The following CTNNA1 variants were observed in gnomAD, a reference collection of about 807,000 sequenced individuals.
CTNNA1 encodes catenin alpha 1, also known as catenin alpha-1.
Under a neutral mutation model 98.4 loss-of-function variants are expected in CTNNA1, and 37 were observed. The ratio of observed to expected loss-of-function variants is 0.38; its 90% CI spans 0.29 to 0.49. CTNNA1 has a LOEUF of 0.49. Ranked by LOEUF, CTNNA1 falls within the 20% of genes least tolerant of loss-of-function variation. The pLI is 0.95. For synonymous variants in CTNNA1, 404 were observed against 413.2 expected (o/e 0.98, Z 0.27); for missense variants, 761 against 1,147.2 (o/e 0.66, Z 4.86).
chr5:138,930,208 G>A lies in CTNNA1; in HGVS notation c.2011-265G>A, dbSNP rs6859193. 5.5e-3 allele frequency among the ~76,000 whole-genome samples: 838 copies of A among 152,260 alleles called. 3 individuals carry two copies. Among genetic ancestry groups the A allele is most frequent in the Non-Finnish European group, 8.6e-3 (585 of 68,026 alleles). ...TTAAGCAGGTTCTGTCCCTGCACAGGTGTGATTCCAAAGCTTCCACATTAG... is the reference window on the plus strand; with the variant it reads ...TTAAGCAGGTTCTGTCCCTGCACAGATGTGATTCCAAAGCTTCCACATTAG... On this transcript the variant is annotated intron_variant, in intron 14 of 17. Coordinates refer to ENST00000302763, the MANE Select transcript of CTNNA1 (RefSeq NM_001903.5).
intron 12 of CTNNA1, 86 bp from the exon 13 acceptor site, chr5:138,925,170 T>C (rs1011130779): frequency 1.7e-5 from 25 of 1,460,474 alleles, no homozygotes; most frequent in Non-Finnish European, 2.2e-5. Context: ...CCTCACCTCT[T>C]TCTGTCTAGC....
At chr5:138,791,615 CAAAAAAAA>C (rs1181055311) in intron 3 of CTNNA1, among the ~76,000 whole-genome samples, 5 of 40,306 alleles carry the variant, frequency 1.2e-4, no homozygotes, top group Non-Finnish European at 2.0e-4. Context: ...GACTCCGTCT[CAAAAAAAA>C]AAAAAAAAAA....
At chr5:138,819,482 C>CA (rs1759794190) in intron 5 of CTNNA1, among the ~76,000 whole-genome samples, 4 of 152,166 alleles carry the variant, frequency 2.6e-5, no homozygotes, top group Admixed American at 2.0e-4. Flanking sequence ...ATGCAGGGTA[C>CA]TATGTCGGCT....
At chr5:138,818,204 T>C (rs1759644635) in intron 5 of CTNNA1, among the ~76,000 whole-genome samples, 1 of 150,968 alleles carries the variant, frequency 6.6e-6, no homozygotes, top group Non-Finnish European at 1.5e-5. Flanking sequence ...TTCTCGGCAG[T>C]CTCAAGTGAT....
chr5:138,889,703 C>G (rs978672769), intron 9 of CTNNA1, among the ~76,000 whole-genome samples: 2 of 141,434 alleles, frequency 1.4e-5, no homozygotes, highest in African/African-American at 2.6e-5. Flanking sequence ...TTTCTAACCT[C>G]TCTTCTCTCC....
rs750470900 is a variant in CTNNA1 at position 138,917,802 on chromosome 5, A to G, written c.1450A>G (p.Met484Val). The stretch of plus-strand genomic sequence containing the variant: ...ACAGAGTAAACTGGCCCAAGAGAAC[A>G]TGGATCTTTTTAAAGAACAATGGGA... ...KPQSKLAQEN[M>V]DLFKEQWEKQ... The change falls in exon 11 of 18, where the codon ATG becomes GTG. Residue 484 changes from methionine to valine, a missense_variant. This residue lies in a region of CTNNA1 where 287 missense variants were observed against 436.0 expected (regional missense o/e 0.66). Transcript: ENST00000302763. The G allele has an allele frequency of 2.5e-6, 4 of 1,614,220 alleles. No homozygotes were observed. In the Admixed American group the frequency reaches 5.0e-5, roughly 20 times the overall value.
At chr5:138,773,687 T>C (rs1045095180) in intron 1 of CTNNA1, among the ~76,000 whole-genome samples, 2 of 152,040 alleles carry the variant, frequency 1.3e-5, no homozygotes, top group African/African-American at 4.8e-5. Flanking sequence ...AGAAGCAGGA[T>C]TAGGGAGGCT....
At chr5:138,913,097 GTTTTTGT>G (rs1440656083) in intron 10 of CTNNA1, among the ~76,000 whole-genome samples, 3 of 148,774 alleles carry the variant, frequency 2.0e-5, no homozygotes, top group Non-Finnish European at 4.5e-5. Flanking sequence ...TTTTTTGTTT[GTTTTTGT>G]TTTTTAACTT....
At chr5:138,777,988 CTTTTTTT>C (rs777826985) in intron 1 of CTNNA1, among the ~76,000 whole-genome samples, 6 of 14,856 alleles carry the variant, frequency 4.0e-4, no homozygotes, top group Non-Finnish European at 6.8e-4. Flanking sequence ...CTTAATCTGT[CTTTTTTT>C]TTTTTTTTTT....
intron 10 of CTNNA1, among the ~76,000 whole-genome samples, chr5:138,907,330 T>C (rs184713340): frequency 6.6e-6 from 1 of 152,306 alleles, no homozygotes; most frequent in Non-Finnish European, 1.5e-5. Context: ...CCCTACATTA[T>C]TTTAAACAAA....
chr5:138,847,334 C>T (rs570176955), intron 7 of CTNNA1, among the ~76,000 whole-genome samples: 1 of 152,100 alleles, frequency 6.6e-6, no homozygotes, highest in Non-Finnish European at 1.5e-5. Flanking sequence ...TGTCTCCCTC[C>T]CTCTGTTTTT....
At chr5:138,859,406 GACTTTA>G (rs1764056439) in intron 7 of CTNNA1, among the ~76,000 whole-genome samples, 1 of 152,180 alleles carries the variant, frequency 6.6e-6, no homozygotes, top group South Asian at 2.1e-4. Context: ...CTAGGCTAGT[GACTTTA>G]AATACCTGTA....
At chr5:138,768,924 C>T (rs73790342) in intron 1 of CTNNA1, among the ~76,000 whole-genome samples, 5,665 of 152,084 alleles carry the variant, frequency 0.037, 278 homozygotes, top group African/African-American at 0.12. Flanking sequence ...CATCTAGCAT[C>T]TAGCAGGATC....
chr5:138,869,930 A>G (rs1765181237), intron 7 of CTNNA1: 2 of 152,660 alleles, frequency 1.3e-5, no homozygotes, highest in African/African-American at 4.8e-5. Flanking sequence ...CACTCTTTTC[A>G]GAAAGGTGAT....
intron 10 of CTNNA1, among the ~76,000 whole-genome samples, chr5:138,912,858 T>C (rs1360250134): frequency 6.6e-6 from 1 of 152,266 alleles, no homozygotes; most frequent in African/African-American, 2.4e-5. Context: ...GTTTTTCTAC[T>C]GCTGTTTTGG....
intron 5 of CTNNA1, among the ~76,000 whole-genome samples, chr5:138,813,356 G>T (rs746099633): frequency 6.6e-6 from 1 of 152,174 alleles, no homozygotes; most frequent in African/African-American, 2.4e-5. Context: ...TAGTAGACTT[G>T]TCCTAAATCT....
At chr5:138,930,675 A>C in intron 15 of CTNNA1, 21 bp downstream of exon 15, 1 of 1,603,376 alleles carries the variant, frequency 6.2e-7, no homozygotes. Flanking sequence ...CCCCGGCCCC[A>C]CCAGGCTGCA....
At chr5:138,764,202 AAAAC>A (rs1752659403) in intron 1 of CTNNA1, among the ~76,000 whole-genome samples, 2 of 151,260 alleles carry the variant, frequency 1.3e-5, no homozygotes, top group Admixed American at 6.6e-5. Context: ...CAAAAAACAA[AAAAC>A]AAAAAAATAA....
intron 1 of CTNNA1, among the ~76,000 whole-genome samples, chr5:138,769,628 G>A (rs1753313626): frequency 6.6e-6 from 1 of 151,886 alleles, no homozygotes; most frequent in Non-Finnish European, 1.5e-5. Context: ...CGCCTTCTGG[G>A]TTCAAGCGAT....
Sources: allele counts gnomAD v4.1 joint callset (sites outside exome capture counted in the v4.1 genomes callset), GRCh38; gene constraint gnomAD v4.1.1; regional missense constraint gnomAD v4.1.1; transcripts MANE v1.5; gene names NCBI Gene and HGNC (gene_info 2026-07-23, HGNC 2026-07-21).